CSPG5: variants seen among roughly 807,000 people sequenced by gnomAD.
The protein encoded by CSPG5 is acidic leucine-rich EGF-like domain-containing brain protein.
A neutral mutation model predicts 39.8 loss-of-function variants in CSPG5; 25 were observed. The observed-to-expected ratio is 0.63, with a 90% CI of 0.46 to 0.88. CSPG5 has a LOEUF of 0.88. CSPG5 is among the 40% of genes least tolerant of loss of function. The pLI, the probability that CSPG5 is intolerant of heterozygous loss-of-function variation, is 0.00. For synonymous variants in CSPG5, 295 were observed against 303.9 expected (o/e 0.97, Z 0.31); for missense variants, 627 against 702.2 (o/e 0.89, Z 1.21).
rs2031862399 is a variant in CSPG5, at chr3:47,578,381, G to C, written c.97+216C>G. Among the ~76,000 whole-genome samples, 1 of 133,510 alleles carries C rather than the reference G, an allele frequency of 7.5e-6. No individual in the cohort carries two copies. The highest frequency in any genetic ancestry group is 2.8e-5 in the African/African-American group (1 of 35,348). The allele number at this position is 133,510 out of a possible 152,430, so 87.6% of individuals were successfully genotyped here. A position where few individuals can be genotyped will look rare whatever the true frequency, so the allele number is the denominator to read the frequency against. On this transcript the variant is annotated intron_variant, in intron 1 of 4. Coordinates refer to ENST00000264723, the MANE Select transcript of CSPG5 (RefSeq NM_006574.4). This position sits in a 1 kb window ranked among gnomAD's most constrained non-coding sequence, Gnocchi z 6.0. ...AGTCCGCACCGCGGCCCGCGCGCTT[G>C]GGTCCCGGCTACCCCAACCGGGGTC...
Position 47,577,294 on chromosome 3 carries a change from C to G in CSPG5, c.732G>C (p.Glu244Asp), listed in dbSNP as rs752208392. Residue 244 changes from glutamate to aspartate, a missense_variant, in exon 2 of 5, where the codon GAG becomes GAC. By Grantham distance (45) the Glu-to-Asp change is conservative (BLOSUM62 2). Coordinates refer to ENST00000264723, the MANE Select transcript of CSPG5 (RefSeq NM_006574.4). The surrounding 1 kb of genome is among the most constrained non-coding windows in gnomAD (Gnocchi z 4.7). Reference sequence around the variant, plus strand: ...AGTCAAGCAGGCTCCAGGAAGGGGTCTCTCCCTCAGTATCAGGGTGGTTCT... The same window carrying G: ...AGTCAAGCAGGCTCCAGGAAGGGGTGTCTCCCTCAGTATCAGGGTGGTTCT... ...TSENHPDTEG[E>D]TPSWSLLDLY... is the part of the protein sequence containing the mutation. 5.6e-6 allele frequency: 9 copies of G among 1,613,640 alleles called. No homozygotes were observed. In the East Asian group the frequency reaches 6.7e-5, roughly 12 times the overall value.
At chr3:47,563,668 G>A in intron 4 of CSPG5, among the ~76,000 whole-genome samples, 1 of 152,074 alleles carries the variant, frequency 6.6e-6, no homozygotes, top group African/African-American at 2.4e-5. Context: ...GGATTCTCGT[G>A]CCTCAGTCTC....
intron 4 of CSPG5, among the ~76,000 whole-genome samples, chr3:47,566,930 C>T (rs1310982591): frequency 6.6e-6 from 1 of 152,194 alleles, no homozygotes; most frequent in Non-Finnish European, 1.5e-5. Context: ...TGGCTGACCA[C>T]CCCCTGCTCT....
intron 4 of CSPG5, among the ~76,000 whole-genome samples, chr3:47,567,082 C>T (rs1324939062): frequency 9.2e-5 from 14 of 152,244 alleles, no homozygotes; most frequent in Non-Finnish European, 1.5e-5. Flanking sequence ...CCAAGAGGAG[C>T]TCTTTCTTTT....
At chr3:47,570,682 A>G (rs2031495801) in intron 3 of CSPG5, among the ~76,000 whole-genome samples, 1 of 151,612 alleles carries the variant, frequency 6.6e-6, no homozygotes, top group Admixed American at 6.6e-5. Context: ...TATTTTTTGT[A>G]TTTTTAGTAG....
Position 47,572,516 on chromosome 3 carries a change from G to A in CSPG5, c.1382+170C>T, listed in dbSNP as rs962059539. Among the ~76,000 whole-genome samples, 6 of 152,216 alleles carry A rather than the reference G, an allele frequency of 3.9e-5. No individual in the cohort carries two copies. The highest frequency in any genetic ancestry group is 1.3e-4 in the Admixed American group (2 of 15,280). ...CTGCAGCTCCAGCACATTTTGTGTA[G>A]GAACAGATGAGCCTGAGTGAATTTT... On this transcript the variant is annotated intron_variant, in intron 3 of 4. Transcript: ENST00000264723. This position sits in a 1 kb window ranked among gnomAD's most constrained non-coding sequence, Gnocchi z 4.5.
chr3:47,572,961 C>T lies in CSPG5; in HGVS notation c.1194-87G>A. 1.8e-6 allele frequency: 2 copies of T among 1,117,420 alleles called. No individual in the cohort carries two copies. The highest frequency in any genetic ancestry group is 2.5e-6 in the Non-Finnish European group (2 of 785,034). 69.2% of individuals were successfully genotyped at this position (1,117,420 alleles called of 1,614,324 possible). Reference sequence around the variant, plus strand: ...CCTGGGCCCTGACCCCAACACCTATCTCCACAGCCTGTTCCGAAGGCCATC... The same window carrying T: ...CCTGGGCCCTGACCCCAACACCTATTTCCACAGCCTGTTCCGAAGGCCATC... On this transcript the variant is annotated intron_variant, in intron 2 of 4. Transcript: ENST00000264723. This position sits in a 1 kb window ranked among gnomAD's most constrained non-coding sequence, Gnocchi z 4.5.
intron 3 of CSPG5, among the ~76,000 whole-genome samples, chr3:47,570,907 A>G (rs2031504576): frequency 6.6e-6 from 1 of 152,192 alleles, no homozygotes; most frequent in African/African-American, 2.4e-5. Flanking sequence ...CCATTTGTGC[A>G]TGCCAGGGAA....
In CSPG5 at chr3:47,562,521, A is replaced by G; in HGVS notation, c.*79T>C. ...AGTTTAACAAATGGTTACAAGAAAT[A>G]GACTCTGTACAAGAGGAGATAATGT... On this transcript the variant is annotated 3_prime_UTR_variant, in exon 5 of 5. Transcript: ENST00000264723. The G allele has an allele frequency of 7.7e-7, 1 of 1,304,500 alleles. No homozygotes were observed. Among genetic ancestry groups the G allele is most frequent in the South Asian group, 1.5e-5 (1 of 66,144 alleles). 80.8% of individuals were successfully genotyped at this position (1,304,500 alleles called of 1,614,324 possible). A position where few individuals can be genotyped will look rare whatever the true frequency, so the allele number is the denominator to read the frequency against.
chr3:47,572,701 T>G lies in CSPG5; in HGVS notation c.1367A>C (p.Lys456Thr). ...ACAGACTCACTTGGTCCTACGCAGC[T>G]TGGTATTCTCCGTCTTGAGCAGGTA... Reference protein sequence around the residue: ...KLYLLKTENTKLRRTNKFRTP... With the variant: ...KLYLLKTENTTLRRTNKFRTP... Residue 456 changes from lysine (K) to threonine (T), a missense_variant, in exon 3 of 5, where the codon AAG becomes ACG. Physicochemically the swap from Lys to Thr is moderately conservative, Grantham distance 78. Transcript: ENST00000264723. This position sits in a 1 kb window ranked among gnomAD's most constrained non-coding sequence, Gnocchi z 4.5. 6.2e-7 allele frequency: 1 copy of G among 1,614,082 alleles called. No homozygotes were observed. Among genetic ancestry groups the G allele is most frequent in the South Asian group, 1.1e-5 (1 of 91,080 alleles).
intron 4 of CSPG5, among the ~76,000 whole-genome samples, chr3:47,566,065 T>C (rs980728765): frequency 6.6e-6 from 1 of 152,180 alleles, no homozygotes; most frequent in African/African-American, 2.4e-5. Context: ...TACCAGCCAC[T>C]GACCCTTCCC....
In CSPG5 at chr3:47,562,572, C is replaced by T. The variant is rs373089508; in HGVS notation, c.*28G>A. 34 of 1,542,998 alleles carry T rather than the reference C, an allele frequency of 2.2e-5. No individual in the cohort carries two copies. The highest frequency in any genetic ancestry group is 6.8e-5 in the Admixed American group (4 of 58,504). On this transcript the variant is annotated 3_prime_UTR_variant, in exon 5 of 5. Coordinates refer to ENST00000264723, the MANE Select transcript of CSPG5 (RefSeq NM_006574.4). ...TTCTTCCCCTACCCCCCACCCACTA[C>T]CCCCGCTTCCTCTCTTCTTGCTCTG... is the stretch of plus-strand genomic sequence containing the variant.
rs566330604 is a variant in CSPG5, at chr3:47,576,957, T to A, written c.1069A>T (p.Thr357Ser). Reference sequence around the variant, plus strand: ...CGCACAAAGCCACTGCGGCACTCAGTGCCATTTTCACTGGAGGCCAAGTCC... The same window carrying A: ...CGCACAAAGCCACTGCGGCACTCAGAGCCATTTTCACTGGAGGCCAAGTCC... ...GRDLASSENG[T>S]ECRSGFVRHN... The change falls in exon 2 of 5, where the codon ACT becomes TCT. Residue 357 changes from threonine (T) to serine (S), a missense_variant. By Grantham distance (58) the Thr-to-Ser change is moderately conservative. Transcript: ENST00000264723. 4 of 1,613,738 alleles carry A rather than the reference T, an allele frequency of 2.5e-6. No homozygotes were observed. The South Asian group carries it at 3.3e-5, about 13-fold the overall frequency.
In CSPG5 at chr3:47,572,648, C is replaced by A. The variant is rs371258585; in HGVS notation, c.1382+38G>T. On this transcript the variant is annotated intron_variant, in intron 3 of 4. Coordinates refer to ENST00000264723, the MANE Select transcript of CSPG5 (RefSeq NM_006574.4). This position sits in a 1 kb window ranked among gnomAD's most constrained non-coding sequence, Gnocchi z 4.5. ...CAGCAGCGTCGGGGGGCCTCCCACA[C>A]CCTGACCTGGGTGGATGGGTGAGTG... 297 of 1,593,232 alleles carry A rather than the reference C, an allele frequency of 1.9e-4. 3 individuals are homozygous for A. In the South Asian group the frequency reaches 3.1e-3, roughly 17 times the overall value.
At chr3:47,576,463 T>TG (rs1467243534) in intron 2 of CSPG5, among the ~76,000 whole-genome samples, 1 of 148,450 alleles carries the variant, frequency 6.7e-6, no homozygotes, top group Non-Finnish European at 1.5e-5. Context: ...TTTGTTTTGT[T>TG]TTTTTTTTTT....
chr3:47,577,749 C>T lies in CSPG5; in HGVS notation c.277G>A (p.Ala93Thr). ...AGCCAGGCGGTGCCGGTCACCGCAGCCGACTCCTGCAGCACCTCTTCTGGC... is the reference window on the plus strand; with the variant it reads ...AGCCAGGCGGTGCCGGTCACCGCAGTCGACTCCTGCAGCACCTCTTCTGGC... ...AGPEEVLQESAAVTGTAWLEA... is the reference protein window; with the variant it reads ...AGPEEVLQESTAVTGTAWLEA... The change falls in exon 2 of 5, where the codon GCT becomes ACT. Residue 93 changes from alanine to threonine, a missense_variant. Physicochemically the swap from Ala to Thr is moderately conservative, Grantham distance 58. Coordinates refer to ENST00000264723, the MANE Select transcript of CSPG5 (RefSeq NM_006574.4). This position sits in a 1 kb window ranked among gnomAD's most constrained non-coding sequence, Gnocchi z 4.7. The T allele has an allele frequency of 6.3e-7, 1 of 1,584,714 alleles. No individual in the cohort carries two copies. Among genetic ancestry groups the T allele is most frequent in the South Asian group, 1.1e-5 (1 of 88,640 alleles).
chr3:47,574,922 G>T (rs897373293), intron 2 of CSPG5, among the ~76,000 whole-genome samples: 2 of 152,170 alleles, frequency 1.3e-5, no homozygotes, highest in African/African-American at 4.8e-5. Context: ...CTGGACGACA[G>T]AGTGAGACTC....
At chr3:47,579,139 C>G (rs987646082), upstream of CSPG5, 1 of 152,212 alleles carries the variant, frequency 6.6e-6, no homozygotes, top group African/African-American at 2.4e-5. The surrounding 1 kb of genome is among the most constrained non-coding windows in gnomAD (Gnocchi z 4.2). Flanking sequence ...CGGTCCCGCC[C>G]CAGGTGAACA....
At chr3:47,569,344 C>T (rs1312958677) in intron 3 of CSPG5, 117 bp from the exon 4 acceptor site, 1 of 1,041,626 alleles carries the variant, frequency 9.6e-7, no homozygotes, top group Non-Finnish European at 1.4e-6. Flanking sequence ...TGGCTCGCGC[C>T]TGTAATCCTA....
Sources: allele counts gnomAD v4.1 joint callset (sites outside exome capture counted in the v4.1 genomes callset), GRCh38; gene constraint gnomAD v4.1.1; non-coding constraint Gnocchi (gnomAD v3.1); transcripts MANE v1.5; gene names NCBI Gene and HGNC (gene_info 2026-07-23, HGNC 2026-07-21).